SIM1: variants seen among roughly 807,000 people sequenced by gnomAD.
The protein encoded by SIM1 is SIM bHLH transcription factor 1.
SIM1 carries 18 observed loss-of-function variants against 78.2 expected under a neutral mutation model. The observed-to-expected ratio is 0.23, with a 90% CI of 0.16 to 0.34. SIM1 has a LOEUF of 0.34. Ranked by LOEUF, SIM1 falls within the 10% of genes least tolerant of loss-of-function variation. The pLI, the probability that SIM1 is intolerant of heterozygous loss-of-function variation, is 1.00. For missense variants in SIM1, 939 were observed against 975.1 expected (o/e 0.96, Z 0.49); for synonymous variants, 417 against 385.2 (o/e 1.08, Z -0.97).
At chr6:100,447,241 G>C in intron 9 of SIM1, 27 bp downstream of exon 9, 1 of 1,607,570 alleles carries the variant, frequency 6.2e-7, no homozygotes, top group Non-Finnish European at 8.5e-7. Flanking sequence ...CCTGGGGTGG[G>C]TGAAGGGGTC....
chr6:100,416,343 C>T (rs1771400362), intron 10 of SIM1, among the ~76,000 whole-genome samples: 1 of 152,134 alleles, frequency 6.6e-6, no homozygotes, highest in Admixed American at 6.5e-5. Flanking sequence ...GTGTTACTGT[C>T]AGCCATTTGT....
At position 100,393,628 on chromosome 6, in the gene SIM1, ACCTG is replaced by A; in HGVS notation, c.1425_1428del (p.Arg476ThrfsTer22). 3 of 1,614,130 alleles carry A rather than the reference ACCTG, an allele frequency of 1.9e-6. No homozygotes were observed. Among genetic ancestry groups the A allele is most frequent in the Non-Finnish European group, 2.5e-6 (3 of 1,179,940 alleles). ...CCGGCCTGCGGCGTTCCCAGGAAGT[ACCTG>A]CCTGCCTCACATCGGCCTCCTTCAC... On this transcript the variant is annotated frameshift_variant, in exon 11 of 12. Transcript: ENST00000369208. LOFTEE classifies it high-confidence loss of function.
At position 100,453,795 on chromosome 6, in the gene SIM1, G is replaced by A. The variant is rs764820687; in HGVS notation, c.225C>T (p.Asn75=). ...GHSSRTSPLD[N]VGRELGSHLL... is the part of the protein sequence containing the mutation. ...GATGGGAGCCCAGTTCTCGGCCAAC[G>A]TTGTCCAGGGGGCTGGTCCGACTTG... Residue 75 remains asparagine (N), a synonymous_variant, in exon 3 of 12, where the codon AAC becomes AAT. Coordinates refer to ENST00000369208, the MANE Select transcript of SIM1 (RefSeq NM_005068.3). 1 of 1,612,076 alleles carries A rather than the reference G, an allele frequency of 6.2e-7. No individual in the cohort carries two copies. Among genetic ancestry groups the A allele is most frequent in the Non-Finnish European group, 8.5e-7 (1 of 1,179,126 alleles).
chr6:100,461,700 C>G (rs1411463378), intron 2 of SIM1, among the ~76,000 whole-genome samples: 1 of 152,150 alleles, frequency 6.6e-6, no homozygotes, highest in Non-Finnish European at 1.5e-5. Context: ...TAAAAGACAA[C>G]GAGATCTCTT....
At chr6:100,419,725 T>C (rs1310906656) in intron 10 of SIM1, among the ~76,000 whole-genome samples, 1 of 152,146 alleles carries the variant, frequency 6.6e-6, no homozygotes, top group African/African-American at 2.4e-5. Flanking sequence ...CACTGCAACC[T>C]CTGTCGCCCA....
Position 100,385,769 on chromosome 6 carries a change from G to T in SIM1, c.*4592C>A, listed in dbSNP as rs556127457. 6.6e-6 allele frequency: 1 copy of T among 151,308 alleles called. No homozygotes were observed. The highest frequency in any genetic ancestry group is 1.9e-4 in the East Asian group (1 of 5,146). The allele number at this position is 151,308 out of a possible 1,614,324, so 9.4% of individuals were successfully genotyped here. A position where few individuals can be genotyped will look rare whatever the true frequency, so the allele number is the denominator to read the frequency against. The stretch of plus-strand genomic sequence containing the variant: ...ATATAAAAATCATATTTTTCTGTGT[G>T]CGTATGTGTGTGTGTATGCTTTCTG... On this transcript the variant is annotated 3_prime_UTR_variant, in exon 12 of 12. Coordinates refer to ENST00000369208, the MANE Select transcript of SIM1 (RefSeq NM_005068.3).
chr6:100,443,464 T>C (rs1473624774), intron 9 of SIM1, among the ~76,000 whole-genome samples: 7 of 152,146 alleles, frequency 4.6e-5, no homozygotes, highest in Non-Finnish European at 8.8e-5. Flanking sequence ...ATCAGAATTG[T>C]ATTAGCTTGC....
chr6:100,429,634 T>C (rs529544332), intron 9 of SIM1, among the ~76,000 whole-genome samples: 2 of 152,308 alleles, frequency 1.3e-5, no homozygotes, highest in South Asian at 2.1e-4. Context: ...TTAGTTAGTA[T>C]TTGAAAATGC....
chr6:100,409,423 C>T (rs907954606), intron 10 of SIM1, among the ~76,000 whole-genome samples: 2 of 149,722 alleles, frequency 1.3e-5, no homozygotes, highest in African/African-American at 2.4e-5. Context: ...TTTCTGTCCC[C>T]TATCATTTTT....
chr6:100,438,239 T>C (rs1161695220), intron 9 of SIM1, among the ~76,000 whole-genome samples: 1 of 152,128 alleles, frequency 6.6e-6, no homozygotes, highest in East Asian at 1.9e-4. Flanking sequence ...ATTCAAAATT[T>C]TCAAGGATCT....
At chr6:100,434,955 ATTC>A (rs1772006166) in intron 9 of SIM1, among the ~76,000 whole-genome samples, 1 of 152,238 alleles carries the variant, frequency 6.6e-6, no homozygotes, top group Non-Finnish European at 1.5e-5. Context: ...AAGAAAAAAT[ATTC>A]TTCTAGTAAA....
chr6:100,441,103 A>C (rs796235495), intron 9 of SIM1, among the ~76,000 whole-genome samples: 2 of 152,322 alleles, frequency 1.3e-5, no homozygotes, highest in African/African-American at 4.8e-5. Flanking sequence ...GCCAGAGGAA[A>C]GTAGACAGGC....
chr6:100,391,582 T>G (rs537565208), intron 11 of SIM1, among the ~76,000 whole-genome samples: 1 of 152,342 alleles, frequency 6.6e-6, no homozygotes, highest in African/African-American at 2.4e-5. Flanking sequence ...ATAAATAACC[T>G]AAAATGTTAG....
At chr6:100,455,171 C>A (rs1431049764) in intron 2 of SIM1, among the ~76,000 whole-genome samples, 1 of 152,310 alleles carries the variant, frequency 6.6e-6, no homozygotes, top group East Asian at 1.9e-4. Context: ...AAGGAGGAAC[C>A]GTGAGCGCCC....
intron 10 of SIM1, among the ~76,000 whole-genome samples, chr6:100,406,784 C>A (rs898666519): frequency 2.0e-5 from 3 of 152,138 alleles, no homozygotes; most frequent in Admixed American, 6.5e-5. Context: ...ATACCACAAA[C>A]AAGTTTGTTA....
intron 11 of SIM1, 52 bp downstream of exon 11, chr6:100,393,435 C>T: frequency 3.5e-6 from 5 of 1,444,008 alleles, no homozygotes; most frequent in Non-Finnish European, 4.6e-6. Flanking sequence ...ATGTGATGAA[C>T]CTGCCCAGGG....
intron 9 of SIM1, among the ~76,000 whole-genome samples, chr6:100,436,873 G>A (rs942107886): frequency 7.3e-5 from 11 of 151,622 alleles, no homozygotes; most frequent in African/African-American, 2.7e-4. Flanking sequence ...CAAGTAGCTA[G>A]GACTACAGCC....
intron 10 of SIM1, among the ~76,000 whole-genome samples, chr6:100,409,137 G>A (rs1771129488): frequency 6.6e-6 from 1 of 152,002 alleles, no homozygotes; most frequent in African/African-American, 2.4e-5. Context: ...AAGTTTTAGG[G>A]TACATGTGCA....
intron 9 of SIM1, among the ~76,000 whole-genome samples, chr6:100,439,072 A>G (rs886742658): frequency 6.6e-6 from 1 of 152,182 alleles, no homozygotes; most frequent in African/African-American, 2.4e-5. Context: ...TTATCCATGT[A>G]ACCAAAAACC....
Sources: gnomAD v4.1 joint callset for allele counts (sites outside exome capture counted in the v4.1 genomes callset) on GRCh38, gnomAD v4.1.1 for gene constraint, MANE v1.5 for transcripts, NCBI Gene and HGNC (gene_info 2026-07-23, HGNC 2026-07-21) for gene names.